The following SCN11A variants were observed in gnomAD, a reference collection of about 807,000 sequenced individuals.
SCN11A encodes sodium voltage-gated channel alpha subunit 11, also known as sodium channel protein type 11 subunit alpha.
A neutral mutation model predicts 162.2 loss-of-function variants in SCN11A; 122 were observed. The ratio of observed to expected loss-of-function variants is 0.75; its 90% CI spans 0.65 to 0.87. The LOEUF is 0.87. Ranked by LOEUF, SCN11A falls within the 40% of genes least tolerant of loss-of-function variation. SCN11A has a pLI of 0.00. For synonymous variants in SCN11A, 758 were observed against 751.5 expected (o/e 1.01, Z -0.14); for missense variants, 2,015 against 2,181.6 (o/e 0.92, Z 1.52).
At chr3:38,925,333 A>C in intron 9 of SCN11A, 82 bp downstream of exon 9, 1 of 924,398 alleles carries the variant, frequency 1.1e-6, no homozygotes, top group Non-Finnish European at 1.7e-6. Context: ...TTTGGTTTAC[A>C]TGATGACATT....
intron 2 of SCN11A, among the ~76,000 whole-genome samples, chr3:38,962,510 G>A (rs1315459617): frequency 6.6e-6 from 1 of 152,104 alleles, no homozygotes; most frequent in Non-Finnish European, 1.5e-5. Context: ...CATGGGATGT[G>A]TTTCCATTTG....
At chr3:38,888,527 G>A (rs911766472) in intron 19 of SCN11A, among the ~76,000 whole-genome samples, 2 of 152,090 alleles carry the variant, frequency 1.3e-5, no homozygotes, top group African/African-American at 4.8e-5. Context: ...AAAGATGAAA[G>A]TTACATAATA....
chr3:38,858,041 A>AAAAC (rs755817251), intron 28 of SCN11A, among the ~76,000 whole-genome samples: 3 of 152,068 alleles, frequency 2.0e-5, no homozygotes, highest in Admixed American at 6.6e-5. Context: ...AAAACAAAAC[A>AAAAC]AAACAAACAA....
intron 2 of SCN11A, among the ~76,000 whole-genome samples, chr3:38,987,048 C>T (rs548395786): frequency 1.7e-4 from 26 of 152,188 alleles, no homozygotes; most frequent in African/African-American, 3.9e-4. Context: ...CTGCCTACCA[C>T]ACACACACAA....
chr3:38,902,237 A>G (rs2065713498), intron 16 of SCN11A, among the ~76,000 whole-genome samples: 1 of 152,190 alleles, frequency 6.6e-6, no homozygotes, highest in Non-Finnish European at 1.5e-5. Flanking sequence ...CATTTCTGAG[A>G]TGCCTCAGCA....
intron 2 of SCN11A, among the ~76,000 whole-genome samples, chr3:38,988,017 C>T (rs982367677): frequency 6.6e-6 from 1 of 151,496 alleles, no homozygotes; most frequent in Non-Finnish European, 1.5e-5. Context: ...CCAGGACTAG[C>T]TACATAATTT....
At chr3:39,014,801 A>C (rs1176651437) in intron 2 of SCN11A, among the ~76,000 whole-genome samples, 1 of 152,188 alleles carries the variant, frequency 6.6e-6, no homozygotes, top group African/African-American at 2.4e-5. Context: ...AAATTCAATG[A>C]GATAAAAATG....
chr3:39,022,176 C>T (rs186157118), intron 2 of SCN11A, among the ~76,000 whole-genome samples: 23 of 152,330 alleles, frequency 1.5e-4, no homozygotes, highest in Admixed American at 3.9e-4. Flanking sequence ...AAAAACTCCA[C>T]CCTCAGATCA....
At chr3:38,916,096 T>C (rs1249727639) in intron 11 of SCN11A, among the ~76,000 whole-genome samples, 1 of 152,202 alleles carries the variant, frequency 6.6e-6, no homozygotes, top group Non-Finnish European at 1.5e-5. Flanking sequence ...TGGTTTAAAG[T>C]CTGTTTTGTC....
intron 7 of SCN11A, among the ~76,000 whole-genome samples, chr3:38,929,477 GATA>G (rs2125557341): frequency 6.6e-6 from 1 of 152,268 alleles, no homozygotes; most frequent in Admixed American, 6.5e-5. Context: ...GATGAATAAT[GATA>G]ATGTTGTGCA....
chr3:38,973,780 T>G (rs1002046166), intron 2 of SCN11A, among the ~76,000 whole-genome samples: 4 of 152,134 alleles, frequency 2.6e-5, no homozygotes, highest in African/African-American at 7.2e-5. Flanking sequence ...CTGCACAAGG[T>G]TGAGGCAGGA....
intron 2 of SCN11A, among the ~76,000 whole-genome samples, chr3:39,028,755 GT>G (rs1304629274): frequency 6.6e-6 from 1 of 152,160 alleles, no homozygotes; most frequent in East Asian, 1.9e-4. Context: ...GTGGCCTTGT[GT>G]TATAACAATC....
chr3:38,925,833 T>A (rs2066131560), intron 8 of SCN11A, among the ~76,000 whole-genome samples: 1 of 152,252 alleles, frequency 6.6e-6, no homozygotes, highest in South Asian at 2.1e-4. Context: ...ACAAGTTCCA[T>A]GCCCCAAGGC....
chr3:38,892,232 C>T (rs2065512370), intron 19 of SCN11A, among the ~76,000 whole-genome samples: 2 of 152,196 alleles, frequency 1.3e-5, no homozygotes, highest in East Asian at 1.9e-4. Context: ...CCCAGAAAAA[C>T]ACAGAGAATT....
rs540358408 is a variant in SCN11A at position 39,014,851 on chromosome 3, C to G, written c.-280+17529G>C. Among the ~76,000 whole-genome samples, 3 of 152,328 alleles carry G rather than the reference C, an allele frequency of 2.0e-5. No homozygotes were observed. The East Asian group carries it at 5.8e-4, about 29-fold the overall frequency. ...ATGGAAGGGCTTCTGTGTAATTGAT[C>G]TACCATCAGGTGGCTGGCTGGTCTC... On this transcript the variant is annotated intron_variant, in intron 2 of 29. Transcript: ENST00000302328.
chr3:38,867,551 T>C, intron 26 of SCN11A, 93 bp from the exon 27 acceptor site: 1 of 953,566 alleles, frequency 1.0e-6, no homozygotes, highest in East Asian at 2.5e-5. Context: ...AAGGTGTTTC[T>C]TAGCAGCAAC....
At chr3:39,032,546 T>C (rs921250701) in intron 1 of SCN11A, among the ~76,000 whole-genome samples, 43 bp from the exon 2 acceptor site, 4 of 152,154 alleles carry the variant, frequency 2.6e-5, no homozygotes, top group Non-Finnish European at 4.4e-5. Context: ...CTTTATCATT[T>C]CACAAGACCT....
intron 11 of SCN11A, among the ~76,000 whole-genome samples, chr3:38,916,307 C>A (rs2065960038): frequency 1.3e-5 from 2 of 152,120 alleles, no homozygotes; most frequent in Non-Finnish European, 2.9e-5. Context: ...CATTGACATT[C>A]AAGGCTAATA....
At chr3:38,955,278 C>T (rs962722360) in intron 3 of SCN11A, among the ~76,000 whole-genome samples, 5 of 152,126 alleles carry the variant, frequency 3.3e-5, no homozygotes, top group African/African-American at 4.8e-5. Context: ...CAGAATGAGA[C>T]TCTGTCCCAA....
Sources: gnomAD v4.1 joint callset for allele counts (sites outside exome capture counted in the v4.1 genomes callset) on GRCh38, gnomAD v4.1.1 for gene constraint, MANE v1.5 for transcripts, NCBI Gene and HGNC (gene_info 2026-07-23, HGNC 2026-07-21) for gene names.